The following PABPC4L variants were observed in gnomAD, a reference collection of about 807,000 sequenced individuals.
The protein encoded by PABPC4L is poly(A) binding protein cytoplasmic 4 like, also known as polyadenylate-binding protein 4-like.
For synonymous variants in PABPC4L, 169 were observed against 164.1 expected, an observed-to-expected ratio of 1.03 and a Z score of -0.23; for missense variants, 452 against 451.4, an observed-to-expected ratio of 1.00 and a Z score of -0.01.
chr4:134,100,925 T>A, the PABPC4L span, among the ~76,000 whole-genome samples: 1 of 151,618 alleles, frequency 6.6e-6, no homozygotes, highest in East Asian at 1.9e-4. Flanking sequence ...AATAAAGATA[T>A]AAAATAATAA....
the PABPC4L span, among the ~76,000 whole-genome samples, chr4:134,068,113 G>A: frequency 2.0e-5 from 3 of 152,138 alleles, no homozygotes; most frequent in African/African-American, 7.2e-5. Flanking sequence ...AATAACGTTA[G>A]TGGAGTGCTG....
the PABPC4L span, among the ~76,000 whole-genome samples, chr4:133,977,566 T>C: frequency 6.6e-6 from 1 of 152,328 alleles, no homozygotes; most frequent in South Asian, 2.1e-4. Flanking sequence ...TCCATCTGTT[T>C]GTGTCCTGTC....
chr4:133,952,519 T>C, the PABPC4L span, among the ~76,000 whole-genome samples: 2 of 152,284 alleles, frequency 1.3e-5, no homozygotes, highest in South Asian at 4.1e-4. Flanking sequence ...TATGGTGACA[T>C]GCAGGGTTCC....
chr4:134,194,376 CT>C (rs1479590245), downstream of PABPC4L, among the ~76,000 whole-genome samples: 1 of 151,708 alleles, frequency 6.6e-6, no homozygotes, highest in African/African-American at 2.4e-5. Flanking sequence ...GCAATTCACA[CT>C]TTTTCTGGCA....
the PABPC4L span, among the ~76,000 whole-genome samples, chr4:134,022,323 TCA>T: frequency 1.1e-4 from 16 of 152,100 alleles, no homozygotes; most frequent in Admixed American, 5.2e-4. Context: ...TTAGCCGCAT[TCA>T]GTTTTGATAA....
the PABPC4L span, among the ~76,000 whole-genome samples, chr4:134,013,436 T>G: frequency 6.6e-6 from 1 of 151,934 alleles, no homozygotes; most frequent in Non-Finnish European, 1.5e-5. Flanking sequence ...CTTCCATTCC[T>G]CCTTCTTCTC....
chr4:134,105,201 A>G, the PABPC4L span, among the ~76,000 whole-genome samples: 2 of 151,678 alleles, frequency 1.3e-5, no homozygotes, highest in Non-Finnish European at 3.0e-5. Context: ...ATTCTGGAAC[A>G]TTTCTCTTTA....
chr4:134,118,263 T>C, the PABPC4L span, among the ~76,000 whole-genome samples: 1 of 151,800 alleles, frequency 6.6e-6, no homozygotes, highest in Non-Finnish European at 1.5e-5. Context: ...TCAACTTTCC[T>C]TGGAAAGTCA....
chr4:133,966,063 T>C, the PABPC4L span, among the ~76,000 whole-genome samples: 5 of 152,174 alleles, frequency 3.3e-5, no homozygotes, highest in Non-Finnish European at 5.9e-5. Context: ...TTTTACAATC[T>C]GTATATCTAA....
the PABPC4L span, among the ~76,000 whole-genome samples, chr4:134,006,855 T>C: frequency 6.6e-6 from 1 of 151,808 alleles, no homozygotes; most frequent in Non-Finnish European, 1.5e-5. Flanking sequence ...TTTTCCAATC[T>C]CAAAGTGTGA....
At chr4:134,037,133 C>T in the PABPC4L span, among the ~76,000 whole-genome samples, 1 of 151,492 alleles carries the variant, frequency 6.6e-6, no homozygotes, top group Non-Finnish European at 1.5e-5. Flanking sequence ...CTATTTGGGC[C>T]CCTATTTGGC....
chr4:134,054,658 T>C, the PABPC4L span, among the ~76,000 whole-genome samples: 1 of 152,000 alleles, frequency 6.6e-6, no homozygotes, highest in African/African-American at 2.4e-5. Context: ...TCACTTGAGA[T>C]TGCATTTTTT....
At chr4:134,075,969 T>C in the PABPC4L span, among the ~76,000 whole-genome samples, 1 of 150,624 alleles carries the variant, frequency 6.6e-6, no homozygotes, top group Non-Finnish European at 1.5e-5. Flanking sequence ...ATAAGTAAAG[T>C]AAATAAACAA....
chr4:133,971,203 C>G, the PABPC4L span, among the ~76,000 whole-genome samples: 1 of 150,670 alleles, frequency 6.6e-6, no homozygotes, highest in South Asian at 2.1e-4. Context: ...AGCTCCGCCT[C>G]CTGGGTTCAC....
chr4:134,154,776 T>A, the PABPC4L span, among the ~76,000 whole-genome samples: 1 of 152,000 alleles, frequency 6.6e-6, no homozygotes. Context: ...ATTTTTAAAA[T>A]TTTTTTAAAT....
At chr4:134,092,116 G>C in the PABPC4L span, among the ~76,000 whole-genome samples, 2 of 151,876 alleles carry the variant, frequency 1.3e-5, no homozygotes, top group Admixed American at 1.3e-4. Context: ...TGGGTAGAGG[G>C]GGGTGGTTCC....
chr4:134,164,488 C>G, the PABPC4L span, among the ~76,000 whole-genome samples: 1 of 151,840 alleles, frequency 6.6e-6, no homozygotes, highest in Non-Finnish European at 1.5e-5. Flanking sequence ...TCAACAGCAA[C>G]CAAGCTGAGA....
the PABPC4L span, among the ~76,000 whole-genome samples, chr4:134,118,388 G>A: frequency 2.6e-5 from 4 of 151,694 alleles, no homozygotes; most frequent in Admixed American, 2.6e-4. Context: ...TGGTTACATA[G>A]GCTGCCTTTT....
At chr4:134,015,180 A>G in the PABPC4L span, among the ~76,000 whole-genome samples, 1 of 152,114 alleles carries the variant, frequency 6.6e-6, no homozygotes, top group African/African-American at 2.4e-5. Flanking sequence ...TGCGCTTTAA[A>G]AAGATTAAAG....
Sources: allele counts gnomAD v4.1 joint callset (sites outside exome capture counted in the v4.1 genomes callset), GRCh38; gene constraint gnomAD v4.1.1; transcripts MANE v1.5; gene names NCBI Gene and HGNC (gene_info 2026-07-23, HGNC 2026-07-21).